EOMES: variants seen among roughly 807,000 people sequenced by gnomAD.
EOMES encodes the protein eomesodermin.
Under a neutral mutation model 61.0 loss-of-function variants are expected in EOMES, and 18 were observed. That is an observed-to-expected ratio of 0.30 (90% CI 0.20 to 0.44). The LOEUF is 0.44. Among genes scored for constraint, EOMES ranks in the 20% least tolerant of loss-of-function variants. The pLI, the probability that EOMES is intolerant of heterozygous loss-of-function variation, is 1.00. For missense variants in EOMES, 885 were observed against 939.2 expected (o/e 0.94, Z 0.75); for synonymous variants, 430 against 394.0 (o/e 1.09, Z -1.08).
chr3:27,719,345 G>A lies in EOMES; in HGVS notation c.1158+15C>T, dbSNP rs1167149257. ...TCAAAGCCAGAAGATATCCCCTCCT[G>A]CTCTGTCACTCTACCTGGGTGTTGT... On this transcript the variant is annotated intron_variant, in intron 3 of 5. Coordinates refer to ENST00000449599, the MANE Select transcript of EOMES (RefSeq NM_001278182.2). The A allele has an allele frequency of 3.7e-6, 6 of 1,613,578 alleles. No individual in the cohort carries two copies. Among genetic ancestry groups the A allele is most frequent in the Non-Finnish European group, 4.2e-6 (5 of 1,179,562 alleles).
At position 27,717,143 on chromosome 3, in the gene EOMES, A is replaced by G. The variant is rs2060574318; in HGVS notation, c.2045T>C (p.Ile682Thr). ...GTCTTTACTATACTCTTCAGCATTA[A>G]TGTCCTCACACTTTATGGAGGGTGA... ...ENSPSIKCEDINAEEYSKDTS... is the reference protein window; with the variant it reads ...ENSPSIKCEDTNAEEYSKDTS... Residue 682 changes from isoleucine (I) to threonine (T), a missense_variant, in exon 6 of 6, where the codon ATT (isoleucine) becomes ACT (threonine). Ile to Thr is a moderately conservative substitution (Grantham distance 89). Around this residue, in one of 3 missense-constraint regions of EOMES, gnomAD observed 259 missense variants for 282.3 expected, o/e 0.92. Transcript: ENST00000449599. This position sits in a 1 kb window ranked among gnomAD's most constrained non-coding sequence, Gnocchi z 4.5. 3 of 1,612,654 alleles carry G rather than the reference A, an allele frequency of 1.9e-6. No homozygotes were observed. Among genetic ancestry groups the G allele is most frequent in the Non-Finnish European group, 2.5e-6 (3 of 1,178,618 alleles).
rs1391645413 is a variant in EOMES at position 27,717,921 on chromosome 3, C to T, written c.1380-113G>A. Reference sequence around the variant, plus strand: ...GTGTTGGTTATCTACACCGAAAGTGCTGGTCTGTTGGGCTGAAAGAACAGA... The same window carrying T: ...GTGTTGGTTATCTACACCGAAAGTGTTGGTCTGTTGGGCTGAAAGAACAGA... On this transcript the variant is annotated intron_variant, in intron 5 of 5. Coordinates refer to ENST00000449599, the MANE Select transcript of EOMES (RefSeq NM_001278182.2). The surrounding 1 kb of genome is among the most constrained non-coding windows in gnomAD (Gnocchi z 4.5). 2 of 772,644 alleles carry T rather than the reference C, an allele frequency of 2.6e-6. No homozygotes were observed. Among genetic ancestry groups the T allele is most frequent in the Non-Finnish European group, 4.0e-6 (2 of 502,160 alleles). The allele number at this position is 772,644 out of a possible 1,614,324, so 47.9% of individuals were successfully genotyped here. A position where few individuals can be genotyped will look rare whatever the true frequency, so the allele number is the denominator to read the frequency against.
rs1393802000 is a variant in EOMES at position 27,721,337 on chromosome 3, C to T, written c.881+77G>A. ...CGCGCGGAACAACTGGGTTCAGCTC[C>T]CTCATCCCGGACCTTCCCCAGGACC... On this transcript the variant is annotated intron_variant, in intron 1 of 5. Coordinates refer to ENST00000449599, the MANE Select transcript of EOMES (RefSeq NM_001278182.2). The surrounding 1 kb of genome is among the most constrained non-coding windows in gnomAD (Gnocchi z 7.4). 5 of 1,275,992 alleles carry T rather than the reference C, an allele frequency of 3.9e-6. No individual in the cohort carries two copies. Among genetic ancestry groups the T allele is most frequent in the Non-Finnish European group, 5.5e-6 (5 of 906,650 alleles). 79.0% of individuals were successfully genotyped at this position (1,275,992 alleles called of 1,614,324 possible).
In EOMES at chr3:27,721,394, C is replaced by G. The variant is rs569189971; in HGVS notation, c.881+20G>C. Reference sequence around the variant, plus strand: ...CACCCTTTATCCCCGAACCCAGGGGCCCCTCCACGCTGCGCTCACCTGCCC... The same window carrying G: ...CACCCTTTATCCCCGAACCCAGGGGGCCCTCCACGCTGCGCTCACCTGCCC... On this transcript the variant is annotated intron_variant, in intron 1 of 5. Coordinates refer to ENST00000449599, the MANE Select transcript of EOMES (RefSeq NM_001278182.2). This position sits in a 1 kb window ranked among gnomAD's most constrained non-coding sequence, Gnocchi z 7.4. 8 of 1,594,940 alleles carry G rather than the reference C, an allele frequency of 5.0e-6. No homozygotes were observed. The African/African-American group carries it at 1.1e-4, about 21-fold the overall frequency.
chr3:27,722,698 T>C, upstream of EOMES: 1 of 1,006,610 alleles, frequency 9.9e-7, no homozygotes, highest in Non-Finnish European at 1.2e-6. Context: ...ATCGGTCAAG[T>C]TGACCACTTG....
Position 27,722,025 on chromosome 3 carries a change from G to A in EOMES, c.270C>T (p.Ala90=). ...CCGGCTTGGCCACTGCCGCAGCGCT[G>A]GCAAATGCGTCCCCGGCGTCGGTGT... ...LSDTDAGDAF[A]SAAAVAKPGP... The change falls in exon 1 of 6, where the codon GCC becomes GCT. Residue 90 remains alanine, a synonymous_variant. Transcript: ENST00000449599. The A allele has an allele frequency of 1.3e-6, 2 of 1,527,660 alleles. No individual in the cohort carries two copies. Among genetic ancestry groups the A allele is most frequent in the Non-Finnish European group, 1.8e-6 (2 of 1,138,378 alleles). The allele number at this position is 1,527,660 out of a possible 1,614,324, so 94.6% of individuals were successfully genotyped here.
chr3:27,720,905 C>T (rs2060607347), intron 1 of EOMES, among the ~76,000 whole-genome samples: 1 of 151,990 alleles, frequency 6.6e-6, no homozygotes, highest in Non-Finnish European at 1.5e-5. Flanking sequence ...GCAGATCTAA[C>T]CACCTACTCC....
At chr3:27,718,711 T>TC in intron 4 of EOMES, 24 bp downstream of exon 4, 1 of 1,613,956 alleles carries the variant, frequency 6.2e-7, no homozygotes, top group Non-Finnish European at 8.5e-7. Context: ...CTTTAGAGAT[T>TC]CTTGAGATGT....
In EOMES at chr3:27,716,782, AGGG is replaced by A; in HGVS notation, c.*285_*287del. 1 of 338,950 alleles carries A rather than the reference AGGG, an allele frequency of 3.0e-6. No homozygotes were observed. The allele number at this position is 338,950 out of a possible 1,614,324, so 21.0% of individuals were successfully genotyped here. On this transcript the variant is annotated 3_prime_UTR_variant, in exon 6 of 6. Coordinates refer to ENST00000449599, the MANE Select transcript of EOMES (RefSeq NM_001278182.2). Reference sequence around the variant, plus strand: ...CAATGTTCACAGCCTGCTTCTTTGAAGGGTTAGTGTCTCCCCAATAAATAAATA... The same window carrying A: ...CAATGTTCACAGCCTGCTTCTTTGAATTAGTGTCTCCCCAATAAATAAATA...
At chr3:27,722,469 C>G, upstream of EOMES, 1 of 1,356,010 alleles carries the variant, frequency 7.4e-7, no homozygotes, top group South Asian at 1.9e-5. Flanking sequence ...ACTGGCGCGC[C>G]CTGAATCCAG....
Position 27,717,493 on chromosome 3 carries a change from G to A in EOMES, c.1695C>T (p.Leu565=), listed in dbSNP as rs778054613. 6.2e-7 allele frequency: 1 copy of A among 1,614,154 alleles called. No individual in the cohort carries two copies. Among genetic ancestry groups the A allele is most frequent in the Non-Finnish European group, 8.5e-7 (1 of 1,179,992 alleles). Residue 565 remains leucine, a synonymous_variant, in exon 6 of 6, where the codon CTC becomes CTT. Coordinates refer to ENST00000449599, the MANE Select transcript of EOMES (RefSeq NM_001278182.2). This position sits in a 1 kb window ranked among gnomAD's most constrained non-coding sequence, Gnocchi z 4.5. ...YESEYTSSTL[L]PYGIKSLPLQ... ...GGGGCAAGGATTTAATGCCATATGG[G>A]AGCAATGTGCTAGAAGTATATTCAG... is the stretch of plus-strand genomic sequence containing the variant.
rs1385470990 is a variant in EOMES at position 27,721,950 on chromosome 3, G to A, written c.345C>T (p.Pro115=). The A allele has an allele frequency of 7.8e-6, 11 of 1,414,108 alleles. No individual in the cohort carries two copies. Among genetic ancestry groups the A allele is most frequent in the Non-Finnish European group, 1.0e-5 (11 of 1,094,694 alleles). 87.6% of individuals were successfully genotyped at this position (1,414,108 alleles called of 1,614,324 possible). The change falls in exon 1 of 6, where the codon CCC becomes CCT. Residue 115 remains proline, a synonymous_variant. Transcript: ENST00000449599. This position sits in a 1 kb window ranked among gnomAD's most constrained non-coding sequence, Gnocchi z 7.4. ...CGGCGGCGGCGGCTGCAGCGGCGGA[G>A]GGCAGCTCCTCCTCCCCGCAGGGGG... is the stretch of plus-strand genomic sequence containing the variant. ...KGSPCGEEEL[P]SAAAAAAAAA...
rs111391957 is a variant in EOMES, at chr3:27,717,303, C to T, written c.1885G>A (p.Val629Met). The T allele has an allele frequency of 1.9e-5, 30 of 1,614,202 alleles. No individual in the cohort carries two copies. In the African/African-American group the frequency reaches 3.5e-4, roughly 19 times the overall value. The change falls in exon 6 of 6, where the codon GTG becomes ATG. Residue 629 changes from valine (V) to methionine (M), a missense_variant. This residue lies in a region of EOMES where 259 missense variants were observed against 282.3 expected (regional missense o/e 0.92). Coordinates refer to ENST00000449599, the MANE Select transcript of EOMES (RefSeq NM_001278182.2). The surrounding 1 kb of genome is among the most constrained non-coding windows in gnomAD (Gnocchi z 4.5). ...FSEDQLSKEK[V>M]KEEIGSSWIE... ...CAAGAAGAGCCAATTTCCTCTTTCA[C>T]TTTCTCCTTGGAGAGCTGATCTTCA...
rs747614881 is a variant in EOMES at position 27,717,646 on chromosome 3, G to A, written c.1542C>T (p.Thr514=). 6.8e-5 allele frequency: 109 copies of A among 1,614,042 alleles called. No individual in the cohort carries two copies. Among genetic ancestry groups the A allele is most frequent in the Non-Finnish European group, 2.5e-5 (30 of 1,179,992 alleles). ...PQARYYNGER[T]VPQTNGLLSP... The stretch of plus-strand genomic sequence containing the variant: ...AAAGGAGGCCGTTGGTCTGTGGCAC[G>A]GTTCTCTCGCCATTATAATAGCGGG... Residue 514 remains threonine, a synonymous_variant, in exon 6 of 6, where the codon ACC becomes ACT. Coordinates refer to ENST00000449599, the MANE Select transcript of EOMES (RefSeq NM_001278182.2). This position sits in a 1 kb window ranked among gnomAD's most constrained non-coding sequence, Gnocchi z 4.5.
In EOMES at chr3:27,721,608, G is replaced by T; in HGVS notation, c.687C>A (p.Gly229=). ...GGSSGGGGGP[G]TYQYSQGAPL... ...GAGCCCCCTGGCTGTACTGATAGGT[G>T]CCCGGGCCGCCGCCCCCGCCGCTGC... The change falls in exon 1 of 6, where the codon GGC becomes GGA. Residue 229 remains glycine (G), a synonymous_variant. Transcript: ENST00000449599. This position sits in a 1 kb window ranked among gnomAD's most constrained non-coding sequence, Gnocchi z 7.4. 1.3e-6 allele frequency: 2 copies of T among 1,545,000 alleles called. No individual in the cohort carries two copies. The highest frequency in any genetic ancestry group is 1.9e-4 in the Middle Eastern group (1 of 5,240).
Position 27,717,831 on chromosome 3 carries a change from TAAAAAA to T in EOMES, c.1380-29_1380-24del. On this transcript the variant is annotated intron_variant, in intron 5 of 5. Coordinates refer to ENST00000449599, the MANE Select transcript of EOMES (RefSeq NM_001278182.2). The surrounding 1 kb of genome is among the most constrained non-coding windows in gnomAD (Gnocchi z 4.5). ...ATGCTACAATATAAAGAGAAACACTTAAAAAAAAAAAAAAACCCTAATGTTGTCCCC... is the reference window on the plus strand; with the variant it reads ...ATGCTACAATATAAAGAGAAACACTTAAAAAAAAACCCTAATGTTGTCCCC... 1 of 1,153,712 alleles carries T rather than the reference TAAAAAA, an allele frequency of 8.7e-7. No individual in the cohort carries two copies. Among genetic ancestry groups the T allele is most frequent in the Non-Finnish European group, 1.1e-6 (1 of 870,344 alleles). 71.5% of individuals were successfully genotyped at this position (1,153,712 alleles called of 1,614,324 possible).
In EOMES at chr3:27,718,438, T is replaced by C. The variant is rs187408953; in HGVS notation, c.1379+149A>G. 2.9e-4 allele frequency: 155 copies of C among 532,812 alleles called. No individual in the cohort carries two copies. The East Asian group carries it at 3.7e-3, about 13-fold the overall frequency. 33.0% of individuals were successfully genotyped at this position (532,812 alleles called of 1,614,324 possible). ...TTTCTGAGAAAAATCTAAAGCAAGA[T>C]TAGTAAAGGAAAAAATTTTGGAAAA... On this transcript the variant is annotated intron_variant, in intron 5 of 5. Coordinates refer to ENST00000449599, the MANE Select transcript of EOMES (RefSeq NM_001278182.2).
Position 27,722,045 on chromosome 3 carries a change from C to T in EOMES, c.250G>A (p.Asp84Asn). The stretch of plus-strand genomic sequence containing the variant: ...GCGCTGGCAAATGCGTCCCCGGCGT[C>T]GGTGTCACTAAGCATGGCCGCGGGG... ...GAPAAMLSDT[D>N]AGDAFASAAA... Residue 84 changes from aspartate (D) to asparagine (N), a missense_variant, in exon 1 of 6, where the codon GAC becomes AAC. By Grantham distance (23) the Asp-to-Asn change is conservative (BLOSUM62 1). Around this residue, in one of 3 missense-constraint regions of EOMES, gnomAD observed 449 missense variants for 383.6 expected, o/e 1.17. Transcript: ENST00000449599. 6.5e-7 allele frequency: 1 copy of T among 1,532,830 alleles called. No individual in the cohort carries two copies. Among genetic ancestry groups the T allele is most frequent in the Non-Finnish European group, 8.8e-7 (1 of 1,140,082 alleles). The allele number at this position is 1,532,830 out of a possible 1,614,324, so 95.0% of individuals were successfully genotyped here.
At chr3:27,722,407 C>T, upstream of EOMES, 2 of 1,366,020 alleles carry the variant, frequency 1.5e-6, no homozygotes, top group Non-Finnish European at 9.4e-7. Flanking sequence ...ACTTCCCCTT[C>T]CTCCCGCGCC....
Sources: gnomAD v4.1 joint callset for allele counts (sites outside exome capture counted in the v4.1 genomes callset) on GRCh38, gnomAD v4.1.1 for gene constraint, gnomAD v4.1.1 regional missense constraint, Gnocchi (gnomAD v3.1) non-coding constraint, MANE v1.5 for transcripts, NCBI Gene and HGNC (gene_info 2026-07-23, HGNC 2026-07-21) for gene names.